USH2A: variants seen among roughly 807,000 people sequenced by gnomAD.
USH2A encodes Usher syndrome 2A (autosomal recessive, mild).
In USH2A, 443 loss-of-function variants were observed where a neutral mutation model predicts 538.9. The observed-to-expected ratio is 0.82, with a 90% CI of 0.76 to 0.89. USH2A has a LOEUF of 0.89. Among genes scored for constraint, USH2A ranks in the 40% least tolerant of loss-of-function variants. The pLI, the probability that USH2A is intolerant of heterozygous loss-of-function variation, is 0.00. For synonymous variants in USH2A, 2,413 were observed against 2,273.5 expected (o/e 1.06, Z -1.75); for missense variants, 6,633 against 6,324.8 (o/e 1.05, Z -1.65).
chr1:216,361,763 G>A (rs1164246807), intron 4 of USH2A, among the ~76,000 whole-genome samples: 2 of 152,184 alleles, frequency 1.3e-5, no homozygotes, highest in Non-Finnish European at 2.9e-5. Flanking sequence ...AATGTTGCTT[G>A]TTGGGACACC....
chr1:216,233,392 T>C (rs914389356), intron 13 of USH2A, among the ~76,000 whole-genome samples: 1 of 152,156 alleles, frequency 6.6e-6, no homozygotes, highest in Non-Finnish European at 1.5e-5. Context: ...GTATACCTGT[T>C]ACAAATGCAT....
At position 216,324,303 on chromosome 1, in the gene USH2A, C is replaced by T. The variant is rs1329126988; in HGVS notation, c.1193G>A (p.Arg398Lys). The change falls in exon 7 of 72, where the codon AGG (arginine) becomes AAG (lysine). Residue 398 changes from arginine to lysine, a missense_variant. Transcript: ENST00000307340. ...ACTATTTTCCTTCTTCCTTTGAATC[C>T]TTATTTCCGTTGGTTGTGGACTAAA... ...QFFSPQPTEIRIQRKKENSLD... is the reference protein window; with the variant it reads ...QFFSPQPTEIKIQRKKENSLD... The T allele has an allele frequency of 6.8e-6, 11 of 1,612,910 alleles. No individual in the cohort carries two copies. Among genetic ancestry groups the T allele is most frequent in the Non-Finnish European group, 9.3e-6 (11 of 1,179,442 alleles).
chr1:215,688,140 G>T (rs888898410), intron 61 of USH2A, among the ~76,000 whole-genome samples: 13 of 152,010 alleles, frequency 8.6e-5, no homozygotes, highest in African/African-American at 2.7e-4. Flanking sequence ...TTACATTTAG[G>T]CAAGAGTGCA....
rs554757420 is a variant in USH2A, at chr1:215,695,711, C to T, written c.12067-15335G>A. On this transcript the variant is annotated intron_variant, in intron 61 of 71. Coordinates refer to ENST00000307340, the MANE Select transcript of USH2A (RefSeq NM_206933.4). Reference sequence around the variant, plus strand: ...TAGGGGATCCAATGTCCTACACAGGCAAACGTCTACATATCACATAACTTT... The same window carrying T: ...TAGGGGATCCAATGTCCTACACAGGTAAACGTCTACATATCACATAACTTT... Among the ~76,000 whole-genome samples, 4 of 152,060 alleles carry T rather than the reference C, an allele frequency of 2.6e-5. No individual in the cohort carries two copies. In the East Asian group the frequency reaches 7.8e-4, roughly 30 times the overall value.
At chr1:215,799,228 A>G in intron 49 of USH2A, 103 bp from the exon 50 acceptor site, 2 of 1,284,746 alleles carry the variant, frequency 1.6e-6, no homozygotes, top group Non-Finnish European at 2.2e-6. Flanking sequence ...CAACTGATTG[A>G]CAGAATTACT....
chr1:216,099,133 T>C (rs1571959851), intron 21 of USH2A, among the ~76,000 whole-genome samples: 3 of 152,340 alleles, frequency 2.0e-5, no homozygotes, highest in Admixed American at 2.0e-4. Flanking sequence ...AAATTTATCC[T>C]GGCCTTCTTG....
At chr1:216,250,802 A>G in intron 12 of USH2A, 101 bp downstream of exon 12, 1 of 1,300,148 alleles carries the variant, frequency 7.7e-7, no homozygotes, top group Admixed American at 2.0e-5. Context: ...GCCTGTCTTG[A>G]GCAAAGAAAT....
At chr1:215,643,159 C>A (rs561266955) in intron 67 of USH2A, among the ~76,000 whole-genome samples, 5 of 152,080 alleles carry the variant, frequency 3.3e-5, no homozygotes, top group Non-Finnish European at 4.4e-5. Context: ...CCACACTCAG[C>A]TAATTTTTTT....
intron 52 of USH2A, among the ~76,000 whole-genome samples, chr1:215,786,253 G>A (rs7540940): frequency 0.98 from 148,689 of 152,316 alleles, 72,597 homozygotes; most frequent in East Asian, 1. Context: ...CATCCTCAGA[G>A]TAGCACTGTT....
chr1:215,747,391 T>C (rs1436968914), intron 58 of USH2A, among the ~76,000 whole-genome samples: 1 of 152,220 alleles, frequency 6.6e-6, no homozygotes, highest in Non-Finnish European at 1.5e-5. Flanking sequence ...AATAGGCCTA[T>C]TTAAAGGCTA....
At chr1:216,414,783 T>C (rs2039549758) in intron 3 of USH2A, among the ~76,000 whole-genome samples, 1 of 152,090 alleles carries the variant, frequency 6.6e-6, no homozygotes, top group African/African-American at 2.4e-5. Flanking sequence ...ATTTGGAAGA[T>C]GGGTGAAAAT....
chr1:215,909,766 A>G (rs1665729479), intron 38 of USH2A, among the ~76,000 whole-genome samples: 1 of 151,974 alleles, frequency 6.6e-6, no homozygotes, highest in Admixed American at 6.6e-5. Context: ...AGAAGCACAA[A>G]TGAAGCAGAC....
intron 46 of USH2A, among the ~76,000 whole-genome samples, chr1:215,839,921 G>A (rs1413256016): frequency 1.3e-5 from 2 of 152,076 alleles, no homozygotes; most frequent in Non-Finnish European, 2.9e-5. Context: ...ACTGTGGGAA[G>A]CTTAGGCAGG....
rs189192676 is a variant in USH2A at position 215,956,066 on chromosome 1, G to A, written c.7120+9251C>T. 1.5e-4 allele frequency among the ~76,000 whole-genome samples: 23 copies of A among 152,160 alleles called. 1 individual carries two copies. The highest frequency in any genetic ancestry group is 9.8e-4 in the Admixed American group (15 of 15,284). ...ATTTCTCTGTGTAATCCATTCTTCT[G>A]TTTCCCTCTAACATCAATTCACAGC... On this transcript the variant is annotated intron_variant, in intron 37 of 71. Coordinates refer to ENST00000307340, the MANE Select transcript of USH2A (RefSeq NM_206933.4).
At position 215,934,660 on chromosome 1, in the gene USH2A, C is replaced by T. The variant is rs375102632; in HGVS notation, c.7256G>A (p.Gly2419Asp). ...TVQVNISNSQ[G>D]SLITDPITIA... ...TGTTATAGGATCAGTTATCAAGCTG[C>T]CTTGGCTATTTGAAATATTCACTTG... Residue 2419 changes from glycine (G) to aspartate (D), a missense_variant, in exon 38 of 72, where the codon GGC (glycine) becomes GAC (aspartate). Gly to Asp is a moderately conservative substitution (Grantham distance 94). Transcript: ENST00000307340. 1.2e-6 allele frequency: 2 copies of T among 1,612,678 alleles called. No individual in the cohort carries two copies. Among genetic ancestry groups the T allele is most frequent in the East Asian group, 2.2e-5 (1 of 44,826 alleles).
intron 61 of USH2A, among the ~76,000 whole-genome samples, chr1:215,724,332 C>T (rs1366237129): frequency 6.6e-6 from 1 of 151,814 alleles, no homozygotes; most frequent in Non-Finnish European, 1.5e-5. Flanking sequence ...GAACTAGAGG[C>T]CATTATCCTC....
At chr1:216,327,497 T>TA (rs1247953276) in intron 5 of USH2A, 94 bp downstream of exon 5, 14 of 1,449,296 alleles carry the variant, frequency 9.7e-6, no homozygotes, top group African/African-American at 7.0e-5. Flanking sequence ...GGTATAAAGA[T>TA]AAAAAATGGT....
chr1:215,711,491 T>G (rs150361084), intron 61 of USH2A, among the ~76,000 whole-genome samples: 222 of 152,314 alleles, frequency 1.5e-3, no homozygotes, highest in African/African-American at 5.1e-3. Context: ...AGAAAATGTA[T>G]TCAAAGAGAA....
chr1:215,690,866 C>T (rs180969915), intron 61 of USH2A, among the ~76,000 whole-genome samples: 4 of 152,208 alleles, frequency 2.6e-5, no homozygotes, highest in Admixed American at 1.3e-4. Flanking sequence ...TTCCCACTCT[C>T]AGCACTGCAG....
Sources: allele counts gnomAD v4.1 joint callset (sites outside exome capture counted in the v4.1 genomes callset), GRCh38; gene constraint gnomAD v4.1.1; transcripts MANE v1.5; gene names NCBI Gene and HGNC (gene_info 2026-07-23, HGNC 2026-07-21).